HERC1: variants seen among roughly 807,000 people sequenced by gnomAD.
The protein encoded by HERC1 is HECT and RLD domain containing E3 ubiquitin protein ligase family member 1, also known as probable E3 ubiquitin-protein ligase HERC1.
A neutral mutation model predicts 554.3 loss-of-function variants in HERC1; 160 were observed. The ratio of observed to expected loss-of-function variants is 0.29; its 90% CI spans 0.25 to 0.33. HERC1 has a LOEUF of 0.33. Ranked by LOEUF, HERC1 falls within the 10% of genes least tolerant of loss-of-function variation. The pLI, the probability that HERC1 is intolerant of heterozygous loss-of-function variation, is 1.00. For missense variants in HERC1, 4,919 were observed against 5,918.5 expected (o/e 0.83, Z 5.54); for synonymous variants, 2,175 against 2,131.7 (o/e 1.02, Z -0.56).
At chr15:63,813,642 G>A (rs2077401881) in intron 1 of HERC1, among the ~76,000 whole-genome samples, 1 of 152,096 alleles carries the variant, frequency 6.6e-6, no homozygotes. Flanking sequence ...ATTAGTGTGG[G>A]AAGAAGAGGA....
intron 4 of HERC1, among the ~76,000 whole-genome samples, chr15:63,757,412 G>A (rs1055549064): frequency 4.6e-5 from 7 of 151,846 alleles, no homozygotes; most frequent in Non-Finnish European, 8.8e-5. Context: ...ATAGGCACGC[G>A]CCATCATGCC....
chr15:63,669,522 A>C lies in HERC1; in HGVS notation c.8206+16T>G. 1 of 1,612,714 alleles carries C rather than the reference A, an allele frequency of 6.2e-7. No individual in the cohort carries two copies. The highest frequency in any genetic ancestry group is 8.5e-7 in the Non-Finnish European group (1 of 1,178,798). On this transcript the variant is annotated intron_variant, in intron 40 of 77. Coordinates refer to ENST00000443617, the MANE Select transcript of HERC1 (RefSeq NM_003922.4). ...ATGCCAACTTTGGATATCATAGTGC[A>C]TATCAGCACACGCACCTGTGCGGTT...
intron 76 of HERC1, among the ~76,000 whole-genome samples, chr15:63,614,918 G>A (rs2067749307): frequency 6.6e-6 from 1 of 152,256 alleles, no homozygotes; most frequent in Non-Finnish European, 1.5e-5. Context: ...ATAGAAGTAT[G>A]TGATATATCT....
intron 25 of HERC1, among the ~76,000 whole-genome samples, chr15:63,701,981 A>G (rs2072744787): frequency 6.6e-6 from 1 of 152,224 alleles, no homozygotes; most frequent in Non-Finnish European, 1.5e-5. Context: ...TAAAGAAAAT[A>G]CAAAATCCAA....
At chr15:63,720,418 A>G (rs1214242207) in intron 19 of HERC1, among the ~76,000 whole-genome samples, 1 of 152,156 alleles carries the variant, frequency 6.6e-6, no homozygotes, top group East Asian at 1.9e-4. Context: ...CAGATTTGCT[A>G]AATATCTGGG....
chr15:63,811,874 T>C (rs2077331288), intron 1 of HERC1, among the ~76,000 whole-genome samples: 1 of 149,804 alleles, frequency 6.7e-6, no homozygotes, highest in Non-Finnish European at 1.5e-5. Context: ...AAAGTATACA[T>C]AGGAATTAAA....
chr15:63,644,333 A>G (rs72750970), intron 57 of HERC1, among the ~76,000 whole-genome samples: 5,506 of 152,312 alleles, frequency 0.036, 119 homozygotes, highest in Non-Finnish European at 0.057. Flanking sequence ...TCAGTGTTTT[A>G]AACAATTTTA....
At chr15:63,789,242 C>T (rs1191237572) in intron 1 of HERC1, among the ~76,000 whole-genome samples, 1 of 149,084 alleles carries the variant, frequency 6.7e-6, no homozygotes, top group Non-Finnish European at 1.5e-5. Flanking sequence ...AGGCGCCCGC[C>T]ACTACGCCCG....
chr15:63,768,716 A>C (rs1326176209), intron 2 of HERC1, among the ~76,000 whole-genome samples: 3 of 152,228 alleles, frequency 2.0e-5, no homozygotes, highest in East Asian at 3.8e-4. Context: ...TGAAAACAGC[A>C]TAAAGTTTTT....
chr15:63,622,845 G>C lies in HERC1; in HGVS notation c.13658C>G (p.Ala4553Gly), dbSNP rs1431116819. ...CCTATTGTAACCCACTTCTGCGGTG[G>C]CATTGGGAGAGGGTATAAGAAGGTC... ...IVDLLIPSPN[A>G]TAEVGYNRDR... is the part of the protein sequence containing the mutation. Residue 4553 changes from alanine to glycine, a missense_variant, in exon 74 of 78, where the codon GCC becomes GGC. Ala to Gly is a moderately conservative substitution (Grantham distance 60). Coordinates refer to ENST00000443617, the MANE Select transcript of HERC1 (RefSeq NM_003922.4). 3 of 1,607,446 alleles carry C rather than the reference G, an allele frequency of 1.9e-6. No homozygotes were observed. Among genetic ancestry groups the C allele is most frequent in the Non-Finnish European group, 2.5e-6 (3 of 1,177,430 alleles).
rs2070022166 is a variant in HERC1, at chr15:63,656,148, C to T, written c.9810G>A (p.Val3270=). The T allele has an allele frequency of 6.2e-7, 1 of 1,612,510 alleles. No homozygotes were observed. The highest frequency in any genetic ancestry group is 8.5e-7 in the Non-Finnish European group (1 of 1,179,294). ...TAGGAGCATTTGATGCCAGACATCC[C>T]ACTGCTGTGCTCAAATAGGCCAGGC... ...ISCLAYLSTA[V]GCLASNAPSA... is the part of the protein sequence containing the mutation. The change falls in exon 49 of 78, where the codon GTG becomes GTA. Residue 3270 remains valine (V), a synonymous_variant. Transcript: ENST00000443617.
intron 76 of HERC1, among the ~76,000 whole-genome samples, chr15:63,614,618 A>C (rs2067737594): frequency 6.6e-6 from 1 of 152,212 alleles, no homozygotes; most frequent in African/African-American, 2.4e-5. Context: ...CTAAACTTCT[A>C]TAGCTTCACA....
chr15:63,626,233 A>C, intron 70 of HERC1, 79 bp from the exon 71 acceptor site: 1 of 1,412,472 alleles, frequency 7.1e-7, no homozygotes, highest in Middle Eastern at 2.4e-4. Context: ...TTTCAAGCAT[A>C]CAGAGAAGTT....
intron 25 of HERC1, among the ~76,000 whole-genome samples, chr15:63,700,880 AT>A (rs1567029435): frequency 6.6e-6 from 1 of 151,998 alleles, no homozygotes; most frequent in Non-Finnish European, 1.5e-5. Context: ...TAAGTTAAAA[AT>A]ATTTAAAGAA....
intron 3 of HERC1, among the ~76,000 whole-genome samples, chr15:63,763,353 C>T (rs1055524249): frequency 7.9e-5 from 12 of 152,128 alleles, no homozygotes; most frequent in African/African-American, 2.7e-4. Flanking sequence ...TACATGTATA[C>T]AGACATAACA....
Position 63,711,080 on chromosome 15 carries a change from T to G in HERC1, c.4584+1695A>C, listed in dbSNP as rs1367690805. Among the ~76,000 whole-genome samples, 3 of 152,122 alleles carry G rather than the reference T, an allele frequency of 2.0e-5. No homozygotes were observed. The East Asian group carries it at 5.8e-4, about 29-fold the overall frequency. On this transcript the variant is annotated intron_variant, in intron 24 of 77. Coordinates refer to ENST00000443617, the MANE Select transcript of HERC1 (RefSeq NM_003922.4). ...TGGGTGCAGTGGCTCACACCTGTAA[T>G]CCCAACACTTTGGGAGGCTGAAGCA...
rs748991540 is a variant in HERC1 at position 63,732,989 on chromosome 15, G to A, written c.2803C>T (p.His935Tyr). 4 of 1,613,962 alleles carry A rather than the reference G, an allele frequency of 2.5e-6. No individual in the cohort carries two copies. In the Admixed American group the frequency reaches 5.0e-5, roughly 20 times the overall value. ...ATTTCAGCCAGGTGGGTATCTGGAT[G>A]GCAGCTCTGAGTGCCGTAAGGTTGA... ...SDQPYGTQSC[H>Y]PDTHLAEILM... The change falls in exon 14 of 78, where the codon CAT becomes TAT. Residue 935 changes from histidine to tyrosine, a missense_variant. Physicochemically the swap from His to Tyr is moderately conservative, Grantham distance 83. Transcript: ENST00000443617.
At chr15:63,764,778 GCAC>G (rs1273163971) in intron 2 of HERC1, among the ~76,000 whole-genome samples, 1 of 152,146 alleles carries the variant, frequency 6.6e-6, no homozygotes, top group Non-Finnish European at 1.5e-5. Flanking sequence ...ACTGCAGCCA[GCAC>G]CAGGGAAAGG....
intron 12 of HERC1, among the ~76,000 whole-genome samples, chr15:63,745,382 C>T (rs773343802): frequency 5.3e-5 from 8 of 152,218 alleles, no homozygotes; most frequent in Non-Finnish European, 7.3e-5. Flanking sequence ...TACTTGGAGA[C>T]ACAGAGCACT....
Sources: allele counts gnomAD v4.1 joint callset (sites outside exome capture counted in the v4.1 genomes callset), GRCh38; gene constraint gnomAD v4.1.1; transcripts MANE v1.5; gene names NCBI Gene and HGNC (gene_info 2026-07-23, HGNC 2026-07-21).